ZC3H12A: variants seen among roughly 807,000 people sequenced by gnomAD.
The protein encoded by ZC3H12A is zinc finger CCCH-type containing 12A.
In ZC3H12A, 9 loss-of-function variants were observed where a neutral mutation model predicts 29.9. The ratio of observed to expected loss-of-function variants is 0.30; its 90% confidence interval spans 0.18 to 0.53. ZC3H12A has a LOEUF of 0.53. Ranked by LOEUF, ZC3H12A falls within the 20% of genes least tolerant of loss-of-function variation. ZC3H12A has a pLI of 0.96. For synonymous variants in ZC3H12A, 323 were observed against 338.1 expected (o/e 0.96, Z 0.49); for missense variants, 617 against 799.0 (o/e 0.77, Z 2.75).
At position 37,479,790 on chromosome 1, in the gene ZC3H12A, G is replaced by T. The variant is rs750839010; in HGVS notation, c.444-500G>T. The T allele has an allele frequency of 2.0e-6, 2 of 985,186 alleles. No individual in the cohort carries two copies. Among genetic ancestry groups the T allele is most frequent in the Admixed American group, 6.2e-5 (1 of 16,250 alleles). The allele number at this position is 985,186 out of a possible 1,614,324, so 61.0% of individuals were successfully genotyped here. On this transcript the variant is annotated intron_variant, in intron 2 of 5. Coordinates refer to ENST00000373087, the MANE Select transcript of ZC3H12A (RefSeq NM_025079.3). The surrounding 1 kb of genome is among the most constrained non-coding windows in gnomAD (Gnocchi z 4.5). ...GGTCAGCCCAGCCGGTGCTTCCCCC[G>T]CCCCCACCCACGCTGCAAGAGGCGA... is the stretch of plus-strand genomic sequence containing the variant.
Position 37,483,511 on chromosome 1 carries a change from A to T in ZC3H12A, c.1700A>T (p.His567Leu). 6.2e-7 allele frequency: 1 copy of T among 1,613,802 alleles called. No homozygotes were observed. Among genetic ancestry groups the T allele is most frequent in the Non-Finnish European group, 8.5e-7 (1 of 1,179,912 alleles). The change falls in exon 6 of 6, where the codon CAC becomes CTC. Residue 567 changes from histidine (H) to leucine (L), a missense_variant. Around this residue, in one of 5 missense-constraint regions of ZC3H12A, gnomAD observed 172 missense variants for 203.1 expected, o/e 0.85. Coordinates refer to ENST00000373087, the MANE Select transcript of ZC3H12A (RefSeq NM_025079.3). ...YTKLCGVFPP[H>L]LVEAVMGRFP... ...AAGCTGTGTGGTGTGTTTCCCCCGC[A>T]CCTGGTGGAGGCTGTGATGGGGCGC...
In ZC3H12A at chr1:37,483,199, C is replaced by T. The variant is rs749141511; in HGVS notation, c.1388C>T (p.Pro463Leu). 2 of 1,613,524 alleles carry T rather than the reference C, an allele frequency of 1.2e-6. No individual in the cohort carries two copies. Among genetic ancestry groups the T allele is most frequent in the South Asian group, 1.1e-5 (1 of 91,088 alleles). ...GGAGGAGGCCCTGGTGAGCCGGGCC[C>T]ACCCCGAGCCCCTTACACGGGCTAC... ...VRGGGPGEPG[P>L]PRAPYTGYSP... The change falls in exon 6 of 6, where the codon CCA (proline) becomes CTA (leucine). Residue 463 changes from proline to leucine, a missense_variant. Transcript: ENST00000373087.
intron 2 of ZC3H12A, among the ~76,000 whole-genome samples, chr1:37,477,914 C>G (rs1641623153): frequency 6.6e-6 from 1 of 152,158 alleles, no homozygotes; most frequent in Non-Finnish European, 1.5e-5. Context: ...AGGGAATATT[C>G]AGGTGCTAGG....
In ZC3H12A at chr1:37,478,912, CTT is replaced by C; in HGVS notation, c.444-1376_444-1375del. 1 of 985,288 alleles carries C rather than the reference CTT, an allele frequency of 1.0e-6. No homozygotes were observed. Among genetic ancestry groups the C allele is most frequent in the Non-Finnish European group, 1.2e-6 (1 of 829,890 alleles). The allele number at this position is 985,288 out of a possible 1,614,324, so 61.0% of individuals were successfully genotyped here. On this transcript the variant is annotated intron_variant, in intron 2 of 5. Coordinates refer to ENST00000373087, the MANE Select transcript of ZC3H12A (RefSeq NM_025079.3). This position sits in a 1 kb window ranked among gnomAD's most constrained non-coding sequence, Gnocchi z 5.2. Reference sequence around the variant, plus strand: ...AGGATGAGTGCTGCCCTGGGCTGGACTTTGTCTCCCCTACAATTTAGAGACCT... The same window carrying C: ...AGGATGAGTGCTGCCCTGGGCTGGACTGTCTCCCCTACAATTTAGAGACCT...
In ZC3H12A at chr1:37,476,192, C is replaced by T. The variant is rs1641587504; in HGVS notation, c.443+253C>T. 6.6e-6 allele frequency among the ~76,000 whole-genome samples: 1 copy of T among 152,166 alleles called. No homozygotes were observed. The highest frequency in any genetic ancestry group is 1.5e-5 in the Non-Finnish European group (1 of 68,032). ...TTATGCTGTGGGTCCCTCCCTGAGG[C>T]CAGCACTGTGTCTCCACTCCTCTCC... is the stretch of plus-strand genomic sequence containing the variant. On this transcript the variant is annotated intron_variant, in intron 2 of 5. Transcript: ENST00000373087. The surrounding 1 kb of genome is among the most constrained non-coding windows in gnomAD (Gnocchi z 6.0).
Position 37,483,168 on chromosome 1 carries a change from G to T in ZC3H12A, c.1357G>T (p.Val453Phe). 3 of 1,613,484 alleles carry T rather than the reference G, an allele frequency of 1.9e-6. No homozygotes were observed. The highest frequency in any genetic ancestry group is 2.5e-6 in the Non-Finnish European group (3 of 1,179,912). ...GAGCCAGATGTCGGAACTTTGGGGGGTTCGAGGAGGAGGCCCTGGTGAGCC... is the reference window on the plus strand; with the variant it reads ...GAGCCAGATGTCGGAACTTTGGGGGTTTCGAGGAGGAGGCCCTGGTGAGCC... ...LESQMSELWG[V>F]RGGGPGEPGP... Residue 453 changes from valine to phenylalanine, a missense_variant, in exon 6 of 6, where the codon GTT (valine) becomes TTT (phenylalanine). Around this residue, in one of 5 missense-constraint regions of ZC3H12A, gnomAD observed 172 missense variants for 203.1 expected, o/e 0.85. Coordinates refer to ENST00000373087, the MANE Select transcript of ZC3H12A (RefSeq NM_025079.3).
In ZC3H12A at chr1:37,475,790, C is replaced by T. The variant is rs759475568; in HGVS notation, c.294C>T (p.Thr98=). The change falls in exon 2 of 6, where the codon ACC becomes ACT. Residue 98 remains threonine, a synonymous_variant. Transcript: ENST00000373087. The surrounding 1 kb of genome is among the most constrained non-coding windows in gnomAD (Gnocchi z 5.2). ...CAGCCACCGAGCGGGAGCGCCAGACCTCACCGGACCCCTGCCCTCAGCTCC... is the reference window on the plus strand; with the variant it reads ...CAGCCACCGAGCGGGAGCGCCAGACTTCACCGGACCCCTGCCCTCAGCTCC... The part of the protein sequence containing the change: ...HGTATERERQ[T]SPDPCPQLPL... The T allele has an allele frequency of 6.2e-7, 1 of 1,612,660 alleles. No individual in the cohort carries two copies. Among genetic ancestry groups the T allele is most frequent in the African/African-American group, 1.3e-5 (1 of 74,924 alleles).
intron 2 of ZC3H12A, among the ~76,000 whole-genome samples, chr1:37,477,074 T>C (rs940373062): frequency 6.6e-6 from 1 of 152,158 alleles, no homozygotes; most frequent in African/African-American, 2.4e-5. Flanking sequence ...AGGCCAGTCT[T>C]CCTCTCTCTG....
intron 3 of ZC3H12A, 117 bp from the exon 4 acceptor site, chr1:37,481,484 C>T: frequency 4.2e-6 from 4 of 948,404 alleles, no homozygotes; most frequent in African/African-American, 1.6e-5. Flanking sequence ...TAGTTCTTGC[C>T]CCGGTGACCT....
Position 37,476,025 on chromosome 1 carries a change from C to G in ZC3H12A, c.443+86C>G. On this transcript the variant is annotated intron_variant, in intron 2 of 5. Transcript: ENST00000373087. This position sits in a 1 kb window ranked among gnomAD's most constrained non-coding sequence, Gnocchi z 6.0. ...CATGGAAGGATGACTGTCTCTGCAG[C>G]TCTGGTGGGCTGGAAGAAGTGACTT... The G allele has an allele frequency of 7.5e-7, 1 of 1,330,598 alleles. No homozygotes were observed. Among genetic ancestry groups the G allele is most frequent in the South Asian group, 1.6e-5 (1 of 62,480 alleles). The allele number at this position is 1,330,598 out of a possible 1,614,324, so 82.4% of individuals were successfully genotyped here.
Position 37,479,099 on chromosome 1 carries a change from CT to C in ZC3H12A, c.444-1187del. The C allele has an allele frequency of 2.0e-6, 2 of 985,398 alleles. No homozygotes were observed. Among genetic ancestry groups the C allele is most frequent in the African/African-American group, 1.7e-5 (1 of 57,334 alleles). The allele number at this position is 985,398 out of a possible 1,614,324, so 61.0% of individuals were successfully genotyped here. A position where few individuals can be genotyped will look rare whatever the true frequency, so the allele number is the denominator to read the frequency against. On this transcript the variant is annotated intron_variant, in intron 2 of 5. Transcript: ENST00000373087. The surrounding 1 kb of genome is among the most constrained non-coding windows in gnomAD (Gnocchi z 4.5). ...GATGTGGTTGGCCCTGGACTTGCCT[CT>C]TTTGCGTAACATTTATTCTGTTTTA...
Position 37,479,874 on chromosome 1 carries a change from G to T in ZC3H12A, c.444-416G>T. On this transcript the variant is annotated intron_variant, in intron 2 of 5. Transcript: ENST00000373087. The surrounding 1 kb of genome is among the most constrained non-coding windows in gnomAD (Gnocchi z 4.5). ...TCTGTCCCTGTGGTCCCGGCAGCTC[G>T]CCGGGTGGGGCAGGAACCAGAAGTC... 1.0e-6 allele frequency: 1 copy of T among 1,003,818 alleles called. No individual in the cohort carries two copies. Among genetic ancestry groups the T allele is most frequent in the Non-Finnish European group, 1.2e-6 (1 of 840,642 alleles). 62.2% of individuals were successfully genotyped at this position (1,003,818 alleles called of 1,614,324 possible).
Position 37,475,201 on chromosome 1 carries a change from A to C in ZC3H12A, c.-38-258A>C, listed in dbSNP as rs534482831. Among the ~76,000 whole-genome samples, 1 of 152,208 alleles carries C rather than the reference A, an allele frequency of 6.6e-6. No homozygotes were observed. Among genetic ancestry groups the C allele is most frequent in the African/African-American group, 2.4e-5 (1 of 41,466 alleles). On this transcript the variant is annotated intron_variant, in intron 1 of 5. Transcript: ENST00000373087. This position sits in a 1 kb window ranked among gnomAD's most constrained non-coding sequence, Gnocchi z 5.2. ...GCTGGGGTAGTTCCAGTCTTAGTTC[A>C]GACTAAGTTCCGATCTTCGAGCCAC...
Position 37,482,422 on chromosome 1 carries a change from C to A in ZC3H12A, c.819-12C>A, listed in dbSNP as rs376488627. The A allele has an allele frequency of 2.4e-5, 39 of 1,603,410 alleles. No individual in the cohort carries two copies. Among genetic ancestry groups the A allele is most frequent in the Non-Finnish European group, 3.3e-5 (39 of 1,172,004 alleles). ...GCTCCCACCTCCAGAGAGTTCTTTGCACCCTCTGCAGGTTTATGCCCCCTG... is the reference window on the plus strand; with the variant it reads ...GCTCCCACCTCCAGAGAGTTCTTTGAACCCTCTGCAGGTTTATGCCCCCTG... On this transcript the variant is annotated splice_polypyrimidine_tract_variant and intron_variant, in intron 4 of 5. Coordinates refer to ENST00000373087, the MANE Select transcript of ZC3H12A (RefSeq NM_025079.3).
intron 3 of ZC3H12A, among the ~76,000 whole-genome samples, chr1:37,480,846 G>A (rs924588609): frequency 1.3e-5 from 2 of 152,220 alleles, no homozygotes; most frequent in African/African-American, 4.8e-5. Flanking sequence ...GAAACATGGG[G>A]TCGGTGTCAG....
intron 2 of ZC3H12A, 23 bp from the exon 3 acceptor site, chr1:37,480,267 T>C: frequency 6.2e-7 from 1 of 1,606,760 alleles, no homozygotes; most frequent in African/African-American, 1.3e-5. Flanking sequence ...CAGTGTGGGC[T>C]AACCCTGTCC....
chr1:37,475,798 A>G lies in ZC3H12A; in HGVS notation c.302A>G (p.Asp101Gly). ...ATERERQTSP[D>G]PCPQLPLVPR... ...GAGCGGGAGCGCCAGACCTCACCGGACCCCTGCCCTCAGCTCCCTCTAGTC... is the reference window on the plus strand; with the variant it reads ...GAGCGGGAGCGCCAGACCTCACCGGGCCCCTGCCCTCAGCTCCCTCTAGTC... The change falls in exon 2 of 6, where the codon GAC becomes GGC. Residue 101 changes from aspartate (D) to glycine (G), a missense_variant. Asp to Gly is a moderately conservative substitution (Grantham distance 94, BLOSUM62 -1). This residue lies in a region of ZC3H12A where 255 missense variants were observed against 402.5 expected (regional missense o/e 0.63). Transcript: ENST00000373087. This position sits in a 1 kb window ranked among gnomAD's most constrained non-coding sequence, Gnocchi z 5.2. 1 of 1,612,176 alleles carries G rather than the reference A, an allele frequency of 6.2e-7. No individual in the cohort carries two copies. The highest frequency in any genetic ancestry group is 8.5e-7 in the Non-Finnish European group (1 of 1,179,036).
rs562505782 is a variant in ZC3H12A at position 37,479,571 on chromosome 1, A to G, written c.444-719A>G. ...TGAAGAGGCATTTGGGGGAATTGCC[A>G]TCTTGGGAGGAAAAGCAGTATCCTT... On this transcript the variant is annotated intron_variant, in intron 2 of 5. Coordinates refer to ENST00000373087, the MANE Select transcript of ZC3H12A (RefSeq NM_025079.3). This position sits in a 1 kb window ranked among gnomAD's most constrained non-coding sequence, Gnocchi z 4.5. 1.0e-6 allele frequency: 1 copy of G among 985,424 alleles called. No individual in the cohort carries two copies. Among genetic ancestry groups the G allele is most frequent in the Admixed American group, 6.1e-5 (1 of 16,292 alleles). The allele number at this position is 985,424 out of a possible 1,614,324, so 61.0% of individuals were successfully genotyped here.
chr1:37,480,505 G>A, intron 3 of ZC3H12A, 76 bp downstream of exon 3: 1 of 1,521,078 alleles, frequency 6.6e-7, no homozygotes, highest in Non-Finnish European at 8.8e-7. Context: ...GACCCTCTGG[G>A]AGTGACCTAC....
Sources: allele counts gnomAD v4.1 joint callset (sites outside exome capture counted in the v4.1 genomes callset), GRCh38; gene constraint gnomAD v4.1.1; regional missense constraint gnomAD v4.1.1; non-coding constraint Gnocchi (gnomAD v3.1); transcripts MANE v1.5; gene names NCBI Gene and HGNC (gene_info 2026-07-23, HGNC 2026-07-21).